The following USH2A variants were observed in gnomAD, a reference collection of about 807,000 sequenced individuals.
USH2A encodes Usher syndrome 2A (autosomal recessive, mild).
Under a neutral mutation model 538.9 loss-of-function variants are expected in USH2A, and 443 were observed. The ratio of observed to expected loss-of-function variants is 0.82; its 90% CI spans 0.76 to 0.89. The LOEUF (loss-of-function observed/expected upper bound fraction) is 0.89. USH2A is among the 40% of genes least tolerant of loss of function. The pLI, the probability that USH2A is intolerant of heterozygous loss-of-function variation, is 0.00. For missense variants in USH2A, 6,633 were observed against 6,324.8 expected, an observed-to-expected ratio of 1.05 and a Z score of -1.65; for synonymous variants, 2,413 against 2,273.5, an observed-to-expected ratio of 1.06 and a Z score of -1.75.
intron 11 of USH2A, among the ~76,000 whole-genome samples, chr1:216,260,766 A>C (rs987080543): frequency 6.6e-6 from 1 of 152,164 alleles, no homozygotes; most frequent in Non-Finnish European, 1.5e-5. Context: ...TGGAACATCA[A>C]CAACTTGTTA....
At chr1:215,838,743 AT>A (rs1371398806) in intron 46 of USH2A, among the ~76,000 whole-genome samples, 1 of 152,202 alleles carries the variant, frequency 6.6e-6, no homozygotes. Context: ...TTCATCAAGC[AT>A]TAGTCACACA....
intron 4 of USH2A, among the ~76,000 whole-genome samples, chr1:216,329,828 G>T (rs561752238): frequency 6.6e-6 from 1 of 152,080 alleles, no homozygotes; most frequent in South Asian, 2.1e-4. Context: ...CAGTACTTTT[G>T]CATGGCAGCC....
At chr1:215,932,722 T>C (rs952105950) in intron 38 of USH2A, among the ~76,000 whole-genome samples, 137 of 152,118 alleles carry the variant, frequency 9.0e-4, no homozygotes, top group African/African-American at 3.3e-3. Context: ...AAGTGGAGGA[T>C]TGCATCAGGC....
intron 37 of USH2A, among the ~76,000 whole-genome samples, chr1:215,938,708 G>A (rs749453850): frequency 6.6e-5 from 10 of 152,026 alleles, no homozygotes; most frequent in Non-Finnish European, 1.5e-4. Context: ...TGCCTGCTTC[G>A]CCCCCACCCA....
intron 62 of USH2A, among the ~76,000 whole-genome samples, chr1:215,677,032 C>T (rs1658053754): frequency 6.6e-6 from 1 of 152,050 alleles, no homozygotes; most frequent in African/African-American, 2.4e-5. Flanking sequence ...TCTTCCTTTC[C>T]CCTAACCACT....
chr1:216,338,094 G>A (rs1052272154), intron 4 of USH2A, among the ~76,000 whole-genome samples: 2 of 151,322 alleles, frequency 1.3e-5, no homozygotes, highest in East Asian at 3.9e-4. Flanking sequence ...TCCCTAAGCT[G>A]TTGTATAAAT....
chr1:215,784,510 ATTGT>A (rs1661737176), intron 52 of USH2A, among the ~76,000 whole-genome samples: 1 of 151,948 alleles, frequency 6.6e-6, no homozygotes, highest in Admixed American at 6.6e-5. Flanking sequence ...ATGAAAAATT[ATTGT>A]TTGTCATCAT....
intron 15 of USH2A, among the ~76,000 whole-genome samples, chr1:216,215,568 C>T (rs76048822): frequency 0.034 from 5,177 of 152,124 alleles, 308 homozygotes; most frequent in African/African-American, 0.12. Flanking sequence ...TTGACCTCCT[C>T]TGAAGGCAGG....
intron 71 of USH2A, among the ~76,000 whole-genome samples, chr1:215,626,912 TG>T (rs1656045999): frequency 6.6e-6 from 1 of 152,222 alleles, no homozygotes; most frequent in Non-Finnish European, 1.5e-5. Context: ...ATTGCTGTTT[TG>T]CATGTCAAAA....
At chr1:216,278,245 A>T (rs1453944902) in intron 11 of USH2A, among the ~76,000 whole-genome samples, 2 of 152,152 alleles carry the variant, frequency 1.3e-5, no homozygotes, top group Non-Finnish European at 2.9e-5. Context: ...AAGATGTCAG[A>T]TGTATTCAAA....
At chr1:216,170,556 C>T (rs2034256039) in intron 21 of USH2A, among the ~76,000 whole-genome samples, 2 of 152,046 alleles carry the variant, frequency 1.3e-5, no homozygotes, top group Non-Finnish European at 2.9e-5. Context: ...TGGGCAGGGT[C>T]ACCAGTAAAG....
chr1:216,282,795 A>G (rs2102597334), intron 11 of USH2A, among the ~76,000 whole-genome samples: 1 of 152,322 alleles, frequency 6.6e-6, no homozygotes, highest in East Asian at 1.9e-4. Context: ...AAATCTGTAG[A>G]TCAATTGGAG....
intron 21 of USH2A, among the ~76,000 whole-genome samples, chr1:216,131,378 C>A (rs1445438517): frequency 6.6e-6 from 1 of 151,936 alleles, no homozygotes; most frequent in Admixed American, 6.6e-5. Context: ...TCATGAAATC[C>A]TTGCCTAAAC....
chr1:215,826,146 A>G (rs1663146694), intron 47 of USH2A, among the ~76,000 whole-genome samples: 1 of 152,334 alleles, frequency 6.6e-6, no homozygotes, highest in African/African-American at 2.4e-5. Flanking sequence ...GAGTTTCTCA[A>G]GAGCCAAGTG....
chr1:216,151,329 C>T (rs566872068), intron 21 of USH2A, among the ~76,000 whole-genome samples: 3 of 152,268 alleles, frequency 2.0e-5, no homozygotes, highest in South Asian at 4.1e-4. Context: ...GATCCTCTAC[C>T]TACATGTGTC....
At chr1:215,882,532 AAT>A (rs1664939877) in intron 41 of USH2A, among the ~76,000 whole-genome samples, 1 of 152,174 alleles carries the variant, frequency 6.6e-6, no homozygotes, top group Admixed American at 6.5e-5. Flanking sequence ...AAAGAGTACA[AAT>A]ATATAAATAC....
At chr1:216,343,298 C>G (rs2038111307) in intron 4 of USH2A, among the ~76,000 whole-genome samples, 1 of 150,748 alleles carries the variant, frequency 6.6e-6, no homozygotes, top group Admixed American at 6.6e-5. Flanking sequence ...ATGGTTCATG[C>G]CTATGCTTTG....
intron 67 of USH2A, among the ~76,000 whole-genome samples, chr1:215,642,530 T>C (rs2102637854): frequency 1.3e-5 from 2 of 152,308 alleles, no homozygotes; most frequent in South Asian, 4.1e-4. Context: ...TGTGAGTCAT[T>C]GTTAAATCCG....
At chr1:215,847,599 C>T (rs1571744394) in intron 44 of USH2A, among the ~76,000 whole-genome samples, 2 of 150,856 alleles carry the variant, frequency 1.3e-5, no homozygotes, top group South Asian at 2.1e-4. Flanking sequence ...GAGCTGAGAT[C>T]GTGCCACTGT....
Sources: gnomAD v4.1 joint callset for allele counts (sites outside exome capture counted in the v4.1 genomes callset) on GRCh38, gnomAD v4.1.1 for gene constraint, MANE v1.5 for transcripts, NCBI Gene and HGNC (gene_info 2026-07-23, HGNC 2026-07-21) for gene names.